Variants in ALDH1L1 observed in about 807,000 individuals in gnomAD.
ALDH1L1 encodes the protein cytosolic 10-formyltetrahydrofolate dehydrogenase.
In ALDH1L1, 68 loss-of-function variants were observed where a neutral mutation model predicts 101.1. That is an observed-to-expected ratio of 0.67 (90% confidence interval 0.55 to 0.82). The LOEUF (loss-of-function observed/expected upper bound fraction) is 0.82. ALDH1L1 is among the 40% of genes least tolerant of loss of function. The pLI is 0.00. For synonymous variants in ALDH1L1, 486 were observed against 470.8 expected (o/e 1.03, Z -0.42); for missense variants, 1,087 against 1,172.7 (o/e 0.93, Z 1.07).
intron 21 of ALDH1L1, among the ~76,000 whole-genome samples, chr3:126,106,527 G>A (rs1224129940): frequency 6.6e-6 from 1 of 152,182 alleles, no homozygotes; most frequent in Non-Finnish European, 1.5e-5. Flanking sequence ...CCTGGTCTGG[G>A]TGACTTGCTT....
chr3:126,154,726 C>T, intron 5 of ALDH1L1, 83 bp from the exon 6 acceptor site: 2 of 1,298,296 alleles, frequency 1.5e-6, no homozygotes, highest in South Asian at 1.2e-5. Context: ...GTGGACCAAG[C>T]TCTTGTGAGA....
At chr3:126,117,285 T>G (rs2079988710) in intron 17 of ALDH1L1, among the ~76,000 whole-genome samples, 1 of 148,064 alleles carries the variant, frequency 6.8e-6, no homozygotes, top group South Asian at 2.1e-4. Context: ...TTAATCCTAA[T>G]AGTATATTTT....
chr3:126,177,579 C>A (rs958391414), intron 1 of ALDH1L1, among the ~76,000 whole-genome samples: 1 of 152,062 alleles, frequency 6.6e-6, no homozygotes, highest in Non-Finnish European at 1.5e-5. Flanking sequence ...ATGGGTAGAG[C>A]ACAGGAGAGT....
chr3:126,151,593 A>T (rs1305293956), intron 7 of ALDH1L1: 1 of 152,238 alleles, frequency 6.6e-6, no homozygotes, highest in Admixed American at 6.5e-5. Context: ...ACACATGTAC[A>T]AAAAGAGTTA....
upstream of ALDH1L1, chr3:126,180,830 G>T: frequency 6.5e-7 from 1 of 1,542,508 alleles, no homozygotes. Flanking sequence ...CCAGGGCTTT[G>T]AAAAGTCCCA....
At chr3:126,134,568 G>A (rs767519391) in intron 12 of ALDH1L1, among the ~76,000 whole-genome samples, 1 of 152,178 alleles carries the variant, frequency 6.6e-6, no homozygotes, top group Non-Finnish European at 1.5e-5. Flanking sequence ...GACCCCCACA[G>A]CCCTCCCTGC....
chr3:126,153,609 G>A lies in ALDH1L1; in HGVS notation c.721-28C>T, dbSNP rs753708212. 9 of 1,600,650 alleles carry A rather than the reference G, an allele frequency of 5.6e-6. No individual in the cohort carries two copies. In the African/African-American group the frequency reaches 1.2e-4, roughly 21 times the overall value. ...GTCAAGGGGAGAAATATCAGAAGATGGTGGGTGAGAAGAAGCCCCCGAAGC... is the reference window on the plus strand; with the variant it reads ...GTCAAGGGGAGAAATATCAGAAGATAGTGGGTGAGAAGAAGCCCCCGAAGC... On this transcript the variant is annotated intron_variant, in intron 6 of 22. Transcript: ENST00000393434.
rs1946037014 is a variant in ALDH1L1, at chr3:126,110,260, C to G, written c.2182-151G>C. 15 of 1,020,824 alleles carry G rather than the reference C, an allele frequency of 1.5e-5. No homozygotes were observed. In the South Asian group the frequency reaches 2.5e-4, roughly 17 times the overall value. 63.2% of individuals were successfully genotyped at this position (1,020,824 alleles called of 1,614,324 possible). A position where few individuals can be genotyped will look rare whatever the true frequency, so the allele number is the denominator to read the frequency against. On this transcript the variant is annotated intron_variant, in intron 19 of 22. Transcript: ENST00000393434. Reference sequence around the variant, plus strand: ...TTTCTGAATTCTGACTCTAAATCCACCTTCCAGGCTGAAATCCCAAATGGC... The same window carrying G: ...TTTCTGAATTCTGACTCTAAATCCAGCTTCCAGGCTGAAATCCCAAATGGC...
chr3:126,183,081 A>G (rs2108350182), upstream of ALDH1L1, among the ~76,000 whole-genome samples: 1 of 152,360 alleles, frequency 6.6e-6, no homozygotes, highest in East Asian at 1.9e-4. Flanking sequence ...AAGATGGCCT[A>G]AAGATGAAGC....
At position 126,153,527 on chromosome 3, in the gene ALDH1L1, C is replaced by T; in HGVS notation, c.775G>A (p.Asp259Asn). The T allele has an allele frequency of 2.5e-6, 4 of 1,614,202 alleles. No individual in the cohort carries two copies. Among genetic ancestry groups the T allele is most frequent in the Non-Finnish European group, 3.4e-6 (4 of 1,180,040 alleles). The change falls in exon 7 of 23, where the codon GAC becomes AAC. Residue 259 changes from aspartate (D) to asparagine (N), a missense_variant. Asp to Asn is a conservative substitution (Grantham distance 23). Transcript: ENST00000393434. ...LNTSGLVPEG[D>N]ALPIPGAHRP... ...TGGGCTCCTGGGATGGGCAAAGCGT[C>T]TCCCTCGGGCACCAGGCCTGAAGTG...
chr3:126,110,167 T>G, intron 19 of ALDH1L1, 58 bp from the exon 20 acceptor site: 1 of 1,597,582 alleles, frequency 6.3e-7, no homozygotes, highest in East Asian at 2.2e-5. Context: ...CTGACAATGA[T>G]CCTCACCTGA....
At chr3:126,193,605 C>T (rs2081565753) in intron 1 of ALDH1L1, among the ~76,000 whole-genome samples, 1 of 152,118 alleles carries the variant, frequency 6.6e-6, no homozygotes, top group Non-Finnish European at 1.5e-5. Context: ...TTTCTTTCGG[C>T]TGGGCTCAGG....
intron 3 of ALDH1L1, among the ~76,000 whole-genome samples, chr3:126,158,016 C>T (rs956413976): frequency 6.6e-6 from 1 of 152,120 alleles, no homozygotes; most frequent in African/African-American, 2.4e-5. Context: ...CCCAGAGCAG[C>T]GGCAGTGGAA....
intron 16 of ALDH1L1, among the ~76,000 whole-genome samples, chr3:126,121,139 A>C (rs2080072287): frequency 6.6e-6 from 1 of 152,202 alleles, no homozygotes; most frequent in Non-Finnish European, 1.5e-5. Context: ...GTCAAGATGA[A>C]AGCACAGATC....
chr3:126,130,374 T>G, intron 13 of ALDH1L1, 81 bp from the exon 14 acceptor site: 1 of 1,306,552 alleles, frequency 7.7e-7, no homozygotes. Context: ...TCCACCAGGG[T>G]CTCCAGGAGG....
At chr3:126,112,688 T>A in intron 19 of ALDH1L1, 94 bp downstream of exon 19, 1 of 1,249,968 alleles carries the variant, frequency 8.0e-7, no homozygotes, top group East Asian at 2.3e-5. Flanking sequence ...CAGCCTCACT[T>A]GACCCTGCCC....
At chr3:126,111,866 A>G (rs538906634) in intron 19 of ALDH1L1, among the ~76,000 whole-genome samples, 58 of 152,274 alleles carry the variant, frequency 3.8e-4, no homozygotes, top group African/African-American at 1.2e-3. Context: ...AGCTAAGCCA[A>G]CCTCAGCTTG....
intron 8 of ALDH1L1, among the ~76,000 whole-genome samples, chr3:126,148,957 C>A (rs1322768165): frequency 6.6e-6 from 1 of 152,176 alleles, no homozygotes; most frequent in Non-Finnish European, 1.5e-5. Context: ...CCTGAACCAG[C>A]CAATCAGGGC....
intron 11 of ALDH1L1, 31 bp downstream of exon 11, chr3:126,136,733 T>C: frequency 6.4e-7 from 1 of 1,554,872 alleles, no homozygotes; most frequent in Non-Finnish European, 8.7e-7. Flanking sequence ...GGCTGGGGAA[T>C]GTGGAGAAGG....
Sources: gnomAD v4.1 joint callset for allele counts (sites outside exome capture counted in the v4.1 genomes callset) on GRCh38, gnomAD v4.1.1 for gene constraint, MANE v1.5 for transcripts, NCBI Gene and HGNC (gene_info 2026-07-23, HGNC 2026-07-21) for gene names.